The following DTNA variants were observed in gnomAD, a reference collection of about 807,000 sequenced individuals.
DTNA encodes dystrobrevin alpha.
DTNA carries 43 observed loss-of-function variants against 100.7 expected under a neutral mutation model. The observed-to-expected ratio is 0.43, with a 90% confidence interval of 0.33 to 0.55. The LOEUF (loss-of-function observed/expected upper bound fraction) is 0.55, where lower values mean the gene tolerates loss of function less well. Among genes scored for constraint, DTNA ranks in the 20% least tolerant of loss-of-function variants. The pLI, the probability that DTNA is intolerant of heterozygous loss-of-function variation, is 0.04. For synonymous variants in DTNA, 349 were observed against 347.9 expected (o/e 1.00, Z -0.04); for missense variants, 798 against 953.9 (o/e 0.84, Z 2.15).
rs374242810 is a variant in DTNA, at chr18:34,862,092, G to A, written c.1647-1874G>A. On this transcript the variant is annotated intron_variant, in intron 16 of 22. Coordinates refer to ENST00000444659, the MANE Select transcript of DTNA (RefSeq NM_001386795.1). ...TATTCTTGTACCAAAGACTACTGTG[G>A]ATGTACCTGGAACACCATACACAGA... 3.5e-5 allele frequency among the ~76,000 whole-genome samples: 5 copies of A among 143,340 alleles called. No homozygotes were observed. In the East Asian group the frequency reaches 6.1e-4, roughly 18 times the overall value. 94.0% of individuals were successfully genotyped at this position (143,340 alleles called of 152,430 possible).
At chr18:34,632,274 C>T (rs537004540) in intron 1 of DTNA, among the ~76,000 whole-genome samples, 1 of 152,112 alleles carries the variant, frequency 6.6e-6, no homozygotes, top group Non-Finnish European at 1.5e-5. Context: ...TTTGTGTCAA[C>T]TTTTCCTCAC....
At chr18:34,885,335 G>T (rs2096911886) in intron 22 of DTNA, among the ~76,000 whole-genome samples, 1 of 152,188 alleles carries the variant, frequency 6.6e-6, no homozygotes, top group African/African-American at 2.4e-5. Context: ...GTGGAATTCA[G>T]CAGTATATAA....
chr18:34,579,035 G>T (rs1341806693), intron 1 of DTNA, among the ~76,000 whole-genome samples: 7 of 151,854 alleles, frequency 4.6e-5, no homozygotes, highest in Non-Finnish European at 5.9e-5. Context: ...TTCCATTGAT[G>T]TTTTCTACTA....
chr18:34,865,051 A>T (rs2096679767), intron 17 of DTNA, among the ~76,000 whole-genome samples: 1 of 152,198 alleles, frequency 6.6e-6, no homozygotes, highest in South Asian at 2.1e-4. Context: ...ATCCTGCCTG[A>T]TATAAACAAG....
intron 1 of DTNA, among the ~76,000 whole-genome samples, chr18:34,752,278 C>T (rs1225171442): frequency 6.6e-6 from 1 of 152,216 alleles, no homozygotes; most frequent in Non-Finnish European, 1.5e-5. Context: ...AGCACAGCTC[C>T]TTGTCAATTT....
intron 1 of DTNA, among the ~76,000 whole-genome samples, chr18:34,644,336 T>C (rs765395929): frequency 1.3e-5 from 2 of 152,152 alleles, no homozygotes; most frequent in Non-Finnish European, 2.9e-5. Context: ...TGTTAATTAT[T>C]TATGACTACT....
chr18:34,642,489 C>T (rs1445681953), intron 1 of DTNA, among the ~76,000 whole-genome samples: 1 of 151,116 alleles, frequency 6.6e-6, no homozygotes, highest in Non-Finnish European at 1.5e-5. Context: ...GGTTGCTTTC[C>T]TTCCTTCCTT....
chr18:34,510,921 A>G (rs1455793037), intron 1 of DTNA, among the ~76,000 whole-genome samples: 1 of 152,050 alleles, frequency 6.6e-6, no homozygotes, highest in African/African-American at 2.4e-5. Flanking sequence ...AGCTGACGGT[A>G]ACAACCAGAA....
chr18:34,724,435 A>G (rs751930677), intron 1 of DTNA, among the ~76,000 whole-genome samples: 23 of 152,240 alleles, frequency 1.5e-4, no homozygotes, highest in Non-Finnish European at 2.8e-4. Context: ...GCAGTTTGAT[A>G]ATTTTTAATG....
Position 34,888,694 on chromosome 18 carries a change from G to A in DTNA, c.*960G>A, listed in dbSNP as rs535263078. 1.8e-5 allele frequency: 18 copies of A among 985,736 alleles called. No homozygotes were observed. The highest frequency in any genetic ancestry group is 1.6e-4 in the African/African-American group (9 of 57,316). 61.1% of individuals were successfully genotyped at this position (985,736 alleles called of 1,614,324 possible). On this transcript the variant is annotated 3_prime_UTR_variant, in exon 23 of 23. Coordinates refer to ENST00000444659, the MANE Select transcript of DTNA (RefSeq NM_001386795.1). Reference sequence around the variant, plus strand: ...CACAGGTGCCATAAGATCCCCAAACGGACTAAAGTTATCTCTGCTCTTCCA... The same window carrying A: ...CACAGGTGCCATAAGATCCCCAAACAGACTAAAGTTATCTCTGCTCTTCCA...
At chr18:34,886,465 C>A (rs1357494242) in intron 22 of DTNA, among the ~76,000 whole-genome samples, 1 of 152,186 alleles carries the variant, frequency 6.6e-6, no homozygotes, top group Non-Finnish European at 1.5e-5. Context: ...CCTTTAATAG[C>A]ACTTTCTTTC....
rs939131613 is a variant in DTNA, at chr18:34,640,078, C to T, written c.-1-115898C>T. ...CAATAAAAGCCTTTGATGCAAATTTCTCCTGATCTAAGTTTCAAACTCTGC... is the reference window on the plus strand; with the variant it reads ...CAATAAAAGCCTTTGATGCAAATTTTTCCTGATCTAAGTTTCAAACTCTGC... On this transcript the variant is annotated intron_variant, in intron 1 of 19. Coordinates refer to the DTNA transcript ENST00000283365. Among the ~76,000 whole-genome samples, 5 of 152,354 alleles carry T rather than the reference C, an allele frequency of 3.3e-5. 1 individual carries two copies. The highest frequency in any genetic ancestry group is 3.3e-4 in the Admixed American group (5 of 15,304).
chr18:34,494,753 T>A (rs1016726871), intron 1 of DTNA, among the ~76,000 whole-genome samples: 3 of 152,134 alleles, frequency 2.0e-5, no homozygotes, highest in African/African-American at 7.2e-5. Flanking sequence ...TCTAAAAAAA[T>A]TGTCTTTTGA....
At chr18:34,825,127 A>T in intron 9 of DTNA, 1 of 1,127,514 alleles carries the variant, frequency 8.9e-7, no homozygotes. Flanking sequence ...AGGTGCTGCC[A>T]GTCATGAATT....
At chr18:34,726,875 T>G (rs1262817585) in intron 1 of DTNA, among the ~76,000 whole-genome samples, 2 of 152,158 alleles carry the variant, frequency 1.3e-5, no homozygotes, top group Non-Finnish European at 1.5e-5. Context: ...TGTGTGGGGC[T>G]CCAACCCCAC....
chr18:34,672,859 T>C (rs2076940379), intron 1 of DTNA, among the ~76,000 whole-genome samples: 1 of 152,120 alleles, frequency 6.6e-6, no homozygotes, highest in Admixed American at 6.5e-5. Context: ...AGTAAATGTA[T>C]AAAATCTTCA....
intron 1 of DTNA, among the ~76,000 whole-genome samples, chr18:34,580,130 T>G (rs1288386519): frequency 2.6e-5 from 4 of 152,158 alleles, no homozygotes; most frequent in African/African-American, 9.7e-5. Context: ...CTTCATTTAT[T>G]ATACATAATT....
At chr18:34,797,893 A>G (rs2149103468) in intron 4 of DTNA, among the ~76,000 whole-genome samples, 1 of 152,294 alleles carries the variant, frequency 6.6e-6, no homozygotes, top group Admixed American at 6.5e-5. Flanking sequence ...AAAGAACCAT[A>G]TTTTATTCTT....
intron 3 of DTNA, among the ~76,000 whole-genome samples, chr18:34,790,518 G>A (rs1458492483): frequency 2.2e-5 from 3 of 138,160 alleles, no homozygotes; most frequent in African/African-American, 8.5e-5. Flanking sequence ...TCAAATTAAT[G>A]GGAAGTTATT....
Sources: allele counts gnomAD v4.1 joint callset (sites outside exome capture counted in the v4.1 genomes callset), GRCh38; gene constraint gnomAD v4.1.1; transcripts MANE v1.5; gene names NCBI Gene and HGNC (gene_info 2026-07-23, HGNC 2026-07-21).